Variants in LINC00632 observed in about 807,000 individuals in gnomAD.
LINC00632 encodes the protein long independently transcribed non-coding RNA 632.
intron 2 of LINC00632, among the ~76,000 whole-genome samples, chrX:140,730,086 A>G (rs1377130222): frequency 9.1e-6 from 1 of 110,355 alleles, no homozygotes. Flanking sequence ...CATGTTGGCC[A>G]AGATGGTCTC....
At chrX:140,789,272 T>C (rs1429131569) in exon 5 of LINC00632, among the ~76,000 whole-genome samples, 1 of 110,762 alleles carries the variant, frequency 9.0e-6, no homozygotes, top group African/African-American at 3.3e-5. Context: ...ACTTGCTTTT[T>C]TCCTGCTCTG....
intron 3 of LINC00632, among the ~76,000 whole-genome samples, chrX:140,767,284 A>G (rs2148399070): frequency 9.0e-6 from 1 of 111,574 alleles, no homozygotes; most frequent in East Asian, 2.8e-4. Context: ...CCTAACACAT[A>G]GGGTTGTATT....
chrX:140,715,279 T>C (rs1195973519), intron 2 of LINC00632, among the ~76,000 whole-genome samples: 4 of 111,314 alleles, frequency 3.6e-5, no homozygotes, highest in East Asian at 5.6e-4. Context: ...AGGCACACAT[T>C]TGCCATACAG....
intron 3 of LINC00632, among the ~76,000 whole-genome samples, chrX:140,770,451 A>G (rs1023034914): frequency 8.9e-6 from 1 of 112,094 alleles, no homozygotes; most frequent in African/African-American, 3.2e-5. Flanking sequence ...CTATAATCAC[A>G]GCTACTTCGG....
At chrX:140,751,244 A>G (rs1217259599) in intron 3 of LINC00632, among the ~76,000 whole-genome samples, 1 of 108,368 alleles carries the variant, frequency 9.2e-6, no homozygotes, top group East Asian at 2.9e-4. Flanking sequence ...TCCCACCAGC[A>G]GTGTAAAAGT....
At chrX:140,770,347 C>T (rs979742305) in intron 3 of LINC00632, among the ~76,000 whole-genome samples, 1 of 111,823 alleles carries the variant, frequency 8.9e-6, no homozygotes, top group African/African-American at 3.2e-5. Flanking sequence ...GACCTCTGGT[C>T]GTCCTCACTG....
intron 2 of LINC00632, among the ~76,000 whole-genome samples, chrX:140,712,752 A>C (rs1930544542): frequency 3.6e-5 from 4 of 109,685 alleles, no homozygotes; most frequent in Admixed American, 2.0e-4. Flanking sequence ...CTGACAATTA[A>C]AATCACTTGC....
At chrX:140,771,655 G>A (rs1346153847) in intron 3 of LINC00632, among the ~76,000 whole-genome samples, 44 of 64,724 alleles carry the variant, frequency 6.8e-4, no homozygotes, top group Non-Finnish European at 1.1e-3. Context: ...ATACATATAT[G>A]TGTGTGTGTG....
chrX:140,712,231 T>C (rs1248072359), intron 2 of LINC00632: 1 of 109,855 alleles, frequency 9.1e-6, no homozygotes, highest in East Asian at 2.8e-4. Flanking sequence ...AAACAGGATT[T>C]TTTTTTTCAT....
chrX:140,719,265 C>A (rs1983368157), intron 2 of LINC00632, among the ~76,000 whole-genome samples: 1 of 111,237 alleles, frequency 9.0e-6, no homozygotes, highest in East Asian at 2.8e-4. Flanking sequence ...CCAGATGTGA[C>A]CCAAAACACA....
At chrX:140,788,779 A>G (rs896764108) in exon 5 of LINC00632, among the ~76,000 whole-genome samples, 2 of 105,197 alleles carry the variant, frequency 1.9e-5, no homozygotes, top group African/African-American at 3.5e-5. Context: ...ATATATGTGT[A>G]TATATGTATA....
At chrX:140,784,431 A>G in exon 5 of LINC00632, 2 of 1,152,749 alleles carry the variant, frequency 1.7e-6, no homozygotes, top group Admixed American at 2.3e-5. Context: ...GTCTTCCAAC[A>G]AATCCATGTC....
chrX:140,725,530 A>G (rs755004268), intron 2 of LINC00632, among the ~76,000 whole-genome samples: 4 of 93,964 alleles, frequency 4.3e-5, no homozygotes, highest in Middle Eastern at 5.1e-3. Context: ...ATGTCCCCAA[A>G]GAAATAGATT....
chrX:140,775,837 C>A (rs1274577509), exon 5 of LINC00632, among the ~76,000 whole-genome samples: 1 of 51,943 alleles, frequency 1.9e-5, no homozygotes, highest in Non-Finnish European at 3.6e-5. Context: ...GGAAGCAAGC[C>A]CACTCAAACG....
At chrX:140,736,323 G>A (rs1841503190) in intron 3 of LINC00632, among the ~76,000 whole-genome samples, 1 of 110,140 alleles carries the variant, frequency 9.1e-6, no homozygotes, top group South Asian at 3.8e-4. Context: ...TTAGAACATT[G>A]GAGTTGAATT....
At chrX:140,785,187 A>AAT (rs199783852) in exon 5 of LINC00632, among the ~76,000 whole-genome samples, 70 of 86,471 alleles carry the variant, frequency 8.1e-4, no homozygotes, top group Non-Finnish European at 1.1e-3. Context: ...ATAATAATAT[A>AAT]ATAATAATAA....
chrX:140,784,331 G>A (rs777604320), exon 5 of LINC00632: 23 of 1,209,450 alleles, frequency 1.9e-5, no homozygotes, highest in Middle Eastern at 2.3e-4. Flanking sequence ...ACAAAGGTAC[G>A]TCTTCCAGAA....
intron 3 of LINC00632, among the ~76,000 whole-genome samples, chrX:140,761,279 C>A (rs1342022814): frequency 8.9e-6 from 1 of 112,549 alleles, no homozygotes; most frequent in South Asian, 3.7e-4. Flanking sequence ...GTTGCCCTAA[C>A]CTTTGGTTCA....
chrX:140,747,347 G>C (rs901955354), intron 3 of LINC00632, among the ~76,000 whole-genome samples: 9 of 110,240 alleles, frequency 8.2e-5, no homozygotes, highest in African/African-American at 3.0e-4. Context: ...GGCCAACATG[G>C]TGAAACCCTG....
Sources: gnomAD v4.1 joint callset for allele counts (sites outside exome capture counted in the v4.1 genomes callset) on GRCh38, gnomAD v4.1.1 for gene constraint, MANE v1.5 for transcripts, NCBI Gene and HGNC (gene_info 2026-07-23, HGNC 2026-07-21) for gene names.